ASRGL1: variants seen among roughly 807,000 people sequenced by gnomAD.
ASRGL1 encodes the protein isoaspartyl peptidase/L-asparaginase.
ASRGL1 carries 16 observed loss-of-function variants against 22.4 expected under a neutral mutation model. The ratio of observed to expected loss-of-function variants is 0.71; its 90% CI spans 0.48 to 1.08. The LOEUF is 1.08. ASRGL1 is among the 50% of genes least tolerant of loss of function. The pLI is 0.00. For synonymous variants in ASRGL1, 165 were observed against 159.3 expected, an observed-to-expected ratio of 1.04 and a Z score of -0.27; for missense variants, 412 against 410.1, an observed-to-expected ratio of 1.00 and a Z score of -0.04.
chr11:62,378,111 A>G (rs530432479), intron 4 of ASRGL1, among the ~76,000 whole-genome samples: 2 of 152,318 alleles, frequency 1.3e-5, no homozygotes, highest in Admixed American at 6.5e-5. Context: ...GCCGAATCCA[A>G]TTAATATCTC....
chr11:62,338,944 AAAAAACTG>A (rs1945799302), intron 2 of ASRGL1, among the ~76,000 whole-genome samples: 2 of 151,498 alleles, frequency 1.3e-5, no homozygotes, highest in South Asian at 4.2e-4. Context: ...AAAAAAAAAA[AAAAAACTG>A]AAAAAAGAAG....
At chr11:62,342,523 G>A (rs1311207001) in intron 2 of ASRGL1, among the ~76,000 whole-genome samples, 1 of 152,238 alleles carries the variant, frequency 6.6e-6, no homozygotes, top group African/African-American at 2.4e-5. Context: ...TTTGGAGGCC[G>A]AGGCGGGTGG....
chr11:62,401,048 G>T, the ASRGL1 span, among the ~76,000 whole-genome samples: 1 of 152,202 alleles, frequency 6.6e-6, no homozygotes, highest in East Asian at 1.9e-4. Context: ...CTCGGCCTGG[G>T]AAAGCCTCTC....
intron 2 of ASRGL1, among the ~76,000 whole-genome samples, chr11:62,338,988 T>C (rs1410100664): frequency 6.8e-6 from 1 of 147,412 alleles, no homozygotes; most frequent in Non-Finnish European, 1.5e-5. Context: ...AGATAAGAGG[T>C]TGAGGAGACC....
At chr11:62,395,195 C>G (rs192262588), downstream of ASRGL1, among the ~76,000 whole-genome samples, 1 of 152,292 alleles carries the variant, frequency 6.6e-6, no homozygotes, top group African/African-American at 2.4e-5. Context: ...GCCCGAAGAA[C>G]CCACCCAGAT....
intron 4 of ASRGL1, among the ~76,000 whole-genome samples, chr11:62,384,378 G>C (rs753351305): frequency 1.3e-4 from 20 of 151,928 alleles, no homozygotes; most frequent in Non-Finnish European, 2.6e-4. Flanking sequence ...GGTGGTACAC[G>C]CCTGTAATCT....
At chr11:62,394,327 T>A (rs1180591144), downstream of ASRGL1, among the ~76,000 whole-genome samples, 2 of 143,290 alleles carry the variant, frequency 1.4e-5, no homozygotes, top group African/African-American at 5.1e-5. Context: ...GATATATAAT[T>A]TATAATTTAT....
intron 2 of ASRGL1, among the ~76,000 whole-genome samples, chr11:62,346,562 G>A (rs1455652001): frequency 6.6e-6 from 1 of 152,178 alleles, no homozygotes; most frequent in Non-Finnish European, 1.5e-5. Flanking sequence ...CCGCTTTCTG[G>A]AAGAATGATT....
At chr11:62,346,162 G>A (rs1464696135) in intron 2 of ASRGL1, among the ~76,000 whole-genome samples, 2 of 152,064 alleles carry the variant, frequency 1.3e-5, no homozygotes, top group Admixed American at 6.5e-5. Context: ...TTCTACTTCC[G>A]ACCAACCAGC....
chr11:62,389,778 G>C (rs955581549), intron 5 of ASRGL1: 1 of 230,852 alleles, frequency 4.3e-6, no homozygotes, highest in Non-Finnish European at 8.7e-6. Context: ...AGGCAGGGCT[G>C]GGGGGCTGTA....
chr11:62,389,335 G>T (rs571181383), intron 5 of ASRGL1, 84 bp downstream of exon 5: 1 of 1,267,588 alleles, frequency 7.9e-7, no homozygotes, highest in East Asian at 2.3e-5. Flanking sequence ...GCCCCTCTCC[G>T]TTTCTTGCTG....
chr11:62,366,467 G>C (rs922557194), intron 4 of ASRGL1, among the ~76,000 whole-genome samples: 1 of 138,570 alleles, frequency 7.2e-6, no homozygotes, highest in African/African-American at 2.5e-5. Context: ...CCACCAGCAG[G>C]GACTGGGAGA....
chr11:62,391,397 C>T (rs1947332249), intron 5 of ASRGL1, 125 bp from the exon 6 acceptor site: 1 of 1,375,832 alleles, frequency 7.3e-7, no homozygotes, highest in Non-Finnish European at 9.7e-7. Context: ...ATCATGGCTA[C>T]TAACCTGACC....
intron 4 of ASRGL1, among the ~76,000 whole-genome samples, chr11:62,369,781 A>G (rs967138180): frequency 2.0e-5 from 3 of 152,094 alleles, no homozygotes; most frequent in Admixed American, 6.5e-5. Context: ...GCGTCTAACC[A>G]TGTCCCAGTG....
downstream of ASRGL1, among the ~76,000 whole-genome samples, chr11:62,396,153 A>G (rs971122178): frequency 6.6e-6 from 1 of 151,840 alleles, no homozygotes; most frequent in African/African-American, 2.4e-5. Flanking sequence ...TCCCTTTTGC[A>G]TAGGTGTAGG....
chr11:62,352,306 C>A (rs989472958), intron 2 of ASRGL1, among the ~76,000 whole-genome samples: 3 of 152,188 alleles, frequency 2.0e-5, no homozygotes, highest in African/African-American at 4.8e-5. Flanking sequence ...AGCCTCAAGG[C>A]TGGGCACGGT....
intron 2 of ASRGL1, among the ~76,000 whole-genome samples, chr11:62,343,238 T>G (rs1479496423): frequency 2.0e-5 from 3 of 150,614 alleles, no homozygotes; most frequent in Non-Finnish European, 3.0e-5. Flanking sequence ...ATTAGCCAAG[T>G]GCAGTGGTGG....
intron 2 of ASRGL1, among the ~76,000 whole-genome samples, chr11:62,345,137 C>T (rs930596386): frequency 2.5e-4 from 38 of 152,080 alleles, no homozygotes; most frequent in Admixed American, 1.0e-3. Context: ...AGGTAGCTTC[C>T]GAATCTTGGC....
chr11:62,355,533 C>T (rs942716422), intron 2 of ASRGL1, among the ~76,000 whole-genome samples: 1 of 151,376 alleles, frequency 6.6e-6, no homozygotes, highest in African/African-American at 2.4e-5. Context: ...CAAGATTTCT[C>T]TCTTGAAAAA....
Sources: gnomAD v4.1 joint callset for allele counts (sites outside exome capture counted in the v4.1 genomes callset) on GRCh38, gnomAD v4.1.1 for gene constraint, MANE v1.5 for transcripts, NCBI Gene and HGNC (gene_info 2026-07-23, HGNC 2026-07-21) for gene names.